The following PNLIPRP3 variants were observed in gnomAD, a reference collection of about 807,000 sequenced individuals.
PNLIPRP3 encodes the protein pancreatic lipase related protein 3.
PNLIPRP3 carries 58 observed loss-of-function variants against 52.8 expected under a neutral mutation model. The observed-to-expected ratio is 1.10, with a 90% CI of 0.89 to 1.37. The LOEUF (loss-of-function observed/expected upper bound fraction) is 1.37. Ranked by LOEUF, PNLIPRP3 falls within the 40% of genes most tolerant of loss-of-function variation. The pLI, the probability that PNLIPRP3 is intolerant of heterozygous loss-of-function variation, is 0.00. For synonymous variants in PNLIPRP3, 192 were observed against 185.0 expected (o/e 1.04, Z -0.31); for missense variants, 593 against 561.6 (o/e 1.06, Z -0.57).
chr10:116,451,406 C>G (rs1337242750), intron 4 of PNLIPRP3, among the ~76,000 whole-genome samples: 2 of 152,152 alleles, frequency 1.3e-5, no homozygotes. Flanking sequence ...AAATCACAGG[C>G]AGCAAAAGCA....
chr10:116,444,013 G>T (rs958090259), intron 3 of PNLIPRP3, among the ~76,000 whole-genome samples: 3 of 151,642 alleles, frequency 2.0e-5, no homozygotes, highest in Admixed American at 6.6e-5. Context: ...AGCATAGCTG[G>T]GGAGGCCTCA....
intron 4 of PNLIPRP3, among the ~76,000 whole-genome samples, chr10:116,452,480 A>G (rs948954748): frequency 2.0e-5 from 3 of 152,176 alleles, no homozygotes; most frequent in African/African-American, 7.2e-5. Context: ...ATCCAAGACA[A>G]TGGGGAAAAG....
chr10:116,465,396 G>C (rs750817350), intron 7 of PNLIPRP3, among the ~76,000 whole-genome samples: 2 of 151,878 alleles, frequency 1.3e-5, no homozygotes, highest in Admixed American at 6.6e-5. Context: ...ATTAGCCGGC[G>C]TGGTGGTGGG....
intron 10 of PNLIPRP3, among the ~76,000 whole-genome samples, chr10:116,472,370 CCCT>C (rs1450747279): frequency 6.6e-6 from 1 of 152,114 alleles, no homozygotes; most frequent in Non-Finnish European, 1.5e-5. Flanking sequence ...TTTTGCTAAA[CCCT>C]CCTTTTATCT....
At chr10:116,439,650 G>A in intron 2 of PNLIPRP3, 1 of 764,030 alleles carries the variant, frequency 1.3e-6, no homozygotes, top group South Asian at 1.3e-5. Context: ...TGCCATTTAA[G>A]TTATTCCACA....
chr10:116,445,288 G>A (rs1845928439), intron 4 of PNLIPRP3, among the ~76,000 whole-genome samples: 1 of 152,198 alleles, frequency 6.6e-6, no homozygotes, highest in African/African-American at 2.4e-5. Context: ...GTCAGTTGGT[G>A]ACAAGTACTG....
intron 1 of PNLIPRP3, among the ~76,000 whole-genome samples, chr10:116,430,711 C>T (rs954232636): frequency 6.6e-6 from 1 of 152,118 alleles, no homozygotes; most frequent in Non-Finnish European, 1.5e-5. Flanking sequence ...TATATTTCTC[C>T]TACACACCAC....
At chr10:116,476,600 T>C (rs1178900229) in intron 10 of PNLIPRP3, 52 bp from the exon 11 acceptor site, 2 of 1,401,802 alleles carry the variant, frequency 1.4e-6, no homozygotes, top group Non-Finnish European at 1.9e-6. Flanking sequence ...TTTCTTTCAT[T>C]CAGTGCTGTG....
At chr10:116,462,518 G>A (rs1305747543) in intron 7 of PNLIPRP3, among the ~76,000 whole-genome samples, 3 of 151,866 alleles carry the variant, frequency 2.0e-5, no homozygotes, top group African/African-American at 7.3e-5. Flanking sequence ...AATTACAAAG[G>A]TTTAATATTT....
chr10:116,455,668 A>T, intron 4 of PNLIPRP3, 54 bp from the exon 5 acceptor site: 1 of 1,256,032 alleles, frequency 8.0e-7, no homozygotes, highest in Non-Finnish European at 1.2e-6. Context: ...AAGCATATTT[A>T]AGCTATTCCA....
intron 1 of PNLIPRP3, among the ~76,000 whole-genome samples, chr10:116,432,807 T>A (rs1250697595): frequency 6.6e-6 from 1 of 151,830 alleles, no homozygotes; most frequent in Non-Finnish European, 1.5e-5. Flanking sequence ...GAAAGAAAAG[T>A]GTGTAATTGT....
chr10:116,456,383 T>C (rs1846113399), intron 5 of PNLIPRP3, among the ~76,000 whole-genome samples: 1 of 152,212 alleles, frequency 6.6e-6, no homozygotes, highest in Admixed American at 6.5e-5. Flanking sequence ...GCGATGGATG[T>C]CCCAATTACC....
chr10:116,436,015 A>G (rs1845769063), intron 1 of PNLIPRP3, among the ~76,000 whole-genome samples: 1 of 152,250 alleles, frequency 6.6e-6, no homozygotes, highest in South Asian at 2.1e-4. Flanking sequence ...AATGGAACAG[A>G]GTAGAGCGTG....
At chr10:116,435,593 T>G (rs149041746) in intron 1 of PNLIPRP3, among the ~76,000 whole-genome samples, 40 of 152,320 alleles carry the variant, frequency 2.6e-4, no homozygotes, top group African/African-American at 9.6e-4. Context: ...TGAGCTTTGC[T>G]GAGGCTGGAA....
intron 4 of PNLIPRP3, among the ~76,000 whole-genome samples, chr10:116,454,280 G>A (rs1846081159): frequency 6.6e-6 from 1 of 151,992 alleles, no homozygotes; most frequent in East Asian, 1.9e-4. Flanking sequence ...CACCACGACT[G>A]GCTAATTTTT....
intron 4 of PNLIPRP3, among the ~76,000 whole-genome samples, chr10:116,453,064 C>T (rs1846061990): frequency 6.6e-6 from 1 of 152,198 alleles, no homozygotes; most frequent in South Asian, 2.1e-4. Flanking sequence ...GTGGGTTGCA[C>T]CCAGAGAAGC....
intron 1 of PNLIPRP3, among the ~76,000 whole-genome samples, chr10:116,433,850 T>G (rs1326465400): frequency 6.6e-6 from 1 of 151,522 alleles, no homozygotes; most frequent in East Asian, 1.9e-4. Context: ...AAGGATAACA[T>G]GAGCAAGAAA....
chr10:116,440,016 G>C, intron 2 of PNLIPRP3: 2 of 767,232 alleles, frequency 2.6e-6, no homozygotes, highest in Non-Finnish European at 4.8e-6. Context: ...ACATCTTGCC[G>C]TTTGGTTTCT....
intron 2 of PNLIPRP3, 125 bp downstream of exon 2, chr10:116,436,990 T>C (rs781202649): frequency 2.4e-5 from 24 of 1,009,978 alleles, no homozygotes; most frequent in Non-Finnish European, 3.2e-5. Flanking sequence ...CAAACATTTC[T>C]TTTCAGTATT....
Sources: gnomAD v4.1 joint callset for allele counts (sites outside exome capture counted in the v4.1 genomes callset) on GRCh38, gnomAD v4.1.1 for gene constraint, MANE v1.5 for transcripts, NCBI Gene and HGNC (gene_info 2026-07-23, HGNC 2026-07-21) for gene names.